FBXL2: variants seen among roughly 807,000 people sequenced by gnomAD.
FBXL2 encodes the protein F-box and leucine rich repeat protein 2, also known as F-box/LRR-repeat protein 2.
A neutral mutation model predicts 69.2 loss-of-function variants in FBXL2; 38 were observed. That is an observed-to-expected ratio of 0.55 (90% CI 0.42 to 0.72). The LOEUF is 0.72. Among genes scored for constraint, FBXL2 ranks in the 30% least tolerant of loss-of-function variants. The probability of loss-of-function intolerance (pLI) is 0.00; values close to 1 mark genes in which losing one functional copy is unlikely to be tolerated. For synonymous variants in FBXL2, 192 were observed against 201.3 expected (o/e 0.95, Z 0.39); for missense variants, 354 against 520.3 (o/e 0.68, Z 3.11).
chr3:33,297,773 A>G (rs1395538139), intron 2 of FBXL2, 48 bp downstream of exon 2: 7 of 1,107,040 alleles, frequency 6.3e-6, no homozygotes, highest in Non-Finnish European at 9.5e-6. Flanking sequence ...TGATTTAGTC[A>G]TCAAGTTCCA....
chr3:33,347,409 C>G (rs2040523115), intron 2 of FBXL2, among the ~76,000 whole-genome samples: 1 of 152,176 alleles, frequency 6.6e-6, no homozygotes, highest in African/African-American at 2.4e-5. Flanking sequence ...TTTTCTTAAT[C>G]CATTCGTCTG....
intron 2 of FBXL2, chr3:33,317,571 G>A (rs1217552902): frequency 4.4e-6 from 2 of 454,850 alleles, no homozygotes; most frequent in African/African-American, 2.0e-5. Flanking sequence ...ATGAGATTCT[G>A]CTAAACAGAT....
At chr3:33,408,886 A>T in the FBXL2 span, 1 of 1,148,176 alleles carries the variant, frequency 8.7e-7, no homozygotes, top group Non-Finnish European at 1.3e-6. Flanking sequence ...CAGTCCAATT[A>T]AACAAATGCA....
At position 33,378,689 on chromosome 3, in the gene FBXL2, C is replaced by G. The variant is rs559425311; in HGVS notation, c.899C>G (p.Thr300Ser). The G allele has an allele frequency of 1.9e-6, 3 of 1,612,734 alleles. No homozygotes were observed. The highest frequency in any genetic ancestry group is 2.7e-5 in the African/African-American group (2 of 74,990). Residue 300 changes from threonine (T) to serine (S), a missense_variant, in exon 13 of 15, where the codon ACC becomes AGC. Transcript: ENST00000484457. Reference sequence around the variant, plus strand: ...ACACAGCATGTTTCTCTCCAGATAACCGACAGCACACTCATCCAGCTCTCC... The same window carrying G: ...ACACAGCATGTTTCTCTCCAGATAAGCGACAGCACACTCATCCAGCTCTCC... Reference protein sequence around the residue: ...KMDLEECILITDSTLIQLSIH... With the variant: ...KMDLEECILISDSTLIQLSIH...
At chr3:33,396,927 G>T in intron 12 of FBXL2, 1 of 904,752 alleles carries the variant, frequency 1.1e-6, no homozygotes, top group Non-Finnish European at 1.8e-6. Flanking sequence ...TGCTGCCAAT[G>T]CTCGATGGCG....
chr3:33,394,407 C>G (rs1207906312), intron 12 of FBXL2, among the ~76,000 whole-genome samples: 1 of 151,968 alleles, frequency 6.6e-6, no homozygotes, highest in Non-Finnish European at 1.5e-5. Flanking sequence ...GGAATAAAAG[C>G]TATCTGTATA....
chr3:33,370,947 TCCTCTGTCTC>T (rs2042259111), intron 5 of FBXL2, among the ~76,000 whole-genome samples: 1 of 150,344 alleles, frequency 6.7e-6, no homozygotes, highest in Non-Finnish European at 1.5e-5. Context: ...TTTTCCTTCT[TCCTCTGTCTC>T]TCTTATTTAG....
At chr3:33,420,525 T>A in the FBXL2 span, among the ~76,000 whole-genome samples, 1 of 135,436 alleles carries the variant, frequency 7.4e-6, no homozygotes, top group African/African-American at 2.9e-5. Flanking sequence ...AGTCTCACAC[T>A]GCCATCAGGC....
intron 12 of FBXL2, chr3:33,396,066 A>T: frequency 8.6e-7 from 1 of 1,156,146 alleles, no homozygotes. Context: ...CATTCCTAAC[A>T]CAGCAAGAGT....
chr3:33,401,847 G>C (rs751594190), intron 12 of FBXL2, among the ~76,000 whole-genome samples: 1 of 152,062 alleles, frequency 6.6e-6, no homozygotes, highest in African/African-American at 2.4e-5. Context: ...TATTCAGACC[G>C]GACTGACTGA....
chr3:33,321,581 A>G (rs1575185455), intron 2 of FBXL2, among the ~76,000 whole-genome samples: 2 of 152,174 alleles, frequency 1.3e-5, no homozygotes, highest in Non-Finnish European at 2.9e-5. Flanking sequence ...AACAATGGAG[A>G]TACGTCCTCA....
At chr3:33,403,584 G>GTCTGTCTGTCTATCTATCTATCTA (rs60697427) in exon 13 of FBXL2, 1 of 148,878 alleles carries the variant, frequency 6.7e-6, no homozygotes, top group African/African-American at 2.5e-5. Context: ...CTGTCTGTCT[G>GTCTGTCTGTCTATCTATCTATCTA]TCTATCTATC....
chr3:33,379,651 C>T (rs1240017906), intron 13 of FBXL2, among the ~76,000 whole-genome samples: 1 of 151,016 alleles, frequency 6.6e-6, no homozygotes, highest in African/African-American at 2.4e-5. Context: ...CCAGTAATAC[C>T]CTGTTATCAA....
intron 2 of FBXL2, among the ~76,000 whole-genome samples, chr3:33,340,188 T>C (rs934247407): frequency 3.9e-5 from 6 of 152,180 alleles, no homozygotes; most frequent in African/African-American, 1.4e-4. Context: ...ATGTGTTCTA[T>C]GTCGAGAGTG....
chr3:33,408,020 G>C (rs1156854672), downstream of FBXL2, among the ~76,000 whole-genome samples: 1 of 152,156 alleles, frequency 6.6e-6, no homozygotes, highest in Non-Finnish European at 1.5e-5. Context: ...CTGCATATTG[G>C]GGGCGGCCCA....
In FBXL2 at chr3:33,375,221, T is replaced by C. The variant is rs1575391879; in HGVS notation, c.658-67T>C. 3.2e-6 allele frequency: 5 copies of C among 1,577,942 alleles called. No individual in the cohort carries two copies. In the South Asian group the frequency reaches 5.6e-5, roughly 18 times the overall value. ...CAAAACTGAACAACAGCAGATACTT[T>C]TCTGCTGCTCCCGTTTTGGTATTGC... On this transcript the variant is annotated intron_variant, in intron 9 of 14. Coordinates refer to ENST00000484457, the MANE Select transcript of FBXL2 (RefSeq NM_012157.5).
chr3:33,384,042 C>T lies in FBXL2; in HGVS notation c.1005C>T (p.Asn335=). Residue 335 remains asparagine, a synonymous_variant, in exon 14 of 15, where the codon AAC becomes AAT. Transcript: ENST00000484457. The stretch of plus-strand genomic sequence containing the variant: ...ATGATGGGATCCTGCACCTGAGCAA[C>T]AGTACCTGTGGCCATGAGAGGCTGC... ...ITDDGILHLS[N]STCGHERLRV... 1 of 1,614,188 alleles carries T rather than the reference C, an allele frequency of 6.2e-7. No individual in the cohort carries two copies. Among genetic ancestry groups the T allele is most frequent in the Non-Finnish European group, 8.5e-7 (1 of 1,180,026 alleles).
At chr3:33,344,811 A>AATTGAT in intron 2 of FBXL2, among the ~76,000 whole-genome samples, 1 of 152,320 alleles carries the variant, frequency 6.6e-6, no homozygotes, top group East Asian at 1.9e-4. Flanking sequence ...AATTCTTACT[A>AATTGAT]AAACTGATTA....
chr3:33,361,784 C>A (rs1167166764), intron 4 of FBXL2, among the ~76,000 whole-genome samples: 2 of 152,118 alleles, frequency 1.3e-5, no homozygotes, highest in African/African-American at 4.8e-5. Flanking sequence ...TGGGCTAGCC[C>A]CCTTGGTCCA....
Sources: allele counts gnomAD v4.1 joint callset (sites outside exome capture counted in the v4.1 genomes callset), GRCh38; gene constraint gnomAD v4.1.1; transcripts MANE v1.5; gene names NCBI Gene and HGNC (gene_info 2026-07-23, HGNC 2026-07-21).